HERPUD2: variants seen among roughly 807,000 people sequenced by gnomAD.
HERPUD2 encodes homocysteine-responsive endoplasmic reticulum-resident ubiquitin-like domain member 2 protein.
A neutral mutation model predicts 49.9 loss-of-function variants in HERPUD2; 13 were observed. The observed-to-expected ratio is 0.26, with a 90% confidence interval of 0.17 to 0.41. The LOEUF (loss-of-function observed/expected upper bound fraction) is 0.41, where lower values mean the gene tolerates loss of function less well. HERPUD2 is among the 10% of genes least tolerant of loss of function. The pLI, the probability that HERPUD2 is intolerant of heterozygous loss-of-function variation, is 1.00. For synonymous variants in HERPUD2, 172 were observed against 171.4 expected (o/e 1.00, Z -0.03); for missense variants, 449 against 492.2 (o/e 0.91, Z 0.83).
chr7:35,685,997 A>G (rs1786034221), intron 2 of HERPUD2, among the ~76,000 whole-genome samples: 2 of 145,908 alleles, frequency 1.4e-5, no homozygotes, highest in South Asian at 4.3e-4. Context: ...AATAACTTAA[A>G]TATCAGGAAA....
intron 2 of HERPUD2, among the ~76,000 whole-genome samples, chr7:35,686,734 A>AAC (rs1299264399): frequency 9.7e-6 from 1 of 103,024 alleles, no homozygotes; most frequent in Non-Finnish European, 1.8e-5. Context: ...AAAAAAAAAA[A>AAC]AAAAAAAAAA....
In HERPUD2 at chr7:35,664,931, C is replaced by T. The variant is rs572989324; in HGVS notation, c.494+2503G>A. 6.2e-4 allele frequency among the ~76,000 whole-genome samples: 95 copies of T among 152,236 alleles called. No homozygotes were observed. The South Asian group carries it at 0.018, about 29-fold the overall frequency. On this transcript the variant is annotated intron_variant, in intron 5 of 8. Transcript: ENST00000311350. ...AGTCATTCTCCATACAGCTTTGTTC[C>T]GCTGCTGGCAAGGAGCTCATGTTGC... is the stretch of plus-strand genomic sequence containing the variant.
chr7:35,649,382 T>C (rs764614776), intron 5 of HERPUD2, among the ~76,000 whole-genome samples: 2 of 152,136 alleles, frequency 1.3e-5, no homozygotes, highest in African/African-American at 2.4e-5. Context: ...CAGAAGTGTT[T>C]AGAAGGATAG....
At chr7:35,656,434 AAT>A (rs1228659782) in intron 5 of HERPUD2, among the ~76,000 whole-genome samples, 1 of 152,138 alleles carries the variant, frequency 6.6e-6, no homozygotes, top group Non-Finnish European at 1.5e-5. Flanking sequence ...TGAAAATACC[AAT>A]GTCATTTTTT....
intron 2 of HERPUD2, among the ~76,000 whole-genome samples, chr7:35,688,833 T>C (rs1322524575): frequency 1.3e-5 from 2 of 152,088 alleles, no homozygotes; most frequent in Non-Finnish European, 2.9e-5. Flanking sequence ...CCAACCTGGG[T>C]TCAAATTCTA....
intron 2 of HERPUD2, among the ~76,000 whole-genome samples, chr7:35,684,454 T>C (rs1011629149): frequency 1.3e-4 from 20 of 150,532 alleles, no homozygotes; most frequent in African/African-American, 4.9e-4. Flanking sequence ...AATCTGCAAC[T>C]GCAAAAACGT....
At chr7:35,678,927 T>C (rs1048337099) in intron 2 of HERPUD2, among the ~76,000 whole-genome samples, 1 of 152,214 alleles carries the variant, frequency 6.6e-6, no homozygotes, top group African/African-American at 2.4e-5. Flanking sequence ...AACTCAGTAT[T>C]TGGGACTACT....
intron 8 of HERPUD2, 63 bp from the exon 9 acceptor site, chr7:35,633,914 A>G: frequency 6.7e-7 from 1 of 1,482,032 alleles, no homozygotes; most frequent in Non-Finnish European, 9.2e-7. Flanking sequence ...TCATAATAGA[A>G]TACAGTTAAA....
intron 5 of HERPUD2, among the ~76,000 whole-genome samples, chr7:35,662,792 T>C (rs1305131530): frequency 2.6e-5 from 4 of 152,228 alleles, no homozygotes; most frequent in Non-Finnish European, 5.9e-5. Context: ...TAGTGGTCTA[T>C]CAATTTTGTT....
chr7:35,690,344 A>C (rs1487470064), intron 2 of HERPUD2, among the ~76,000 whole-genome samples: 1 of 152,236 alleles, frequency 6.6e-6, no homozygotes, highest in Non-Finnish European at 1.5e-5. Flanking sequence ...CGAGGTTTTT[A>C]ATTATGACTT....
intron 2 of HERPUD2, among the ~76,000 whole-genome samples, chr7:35,693,057 C>G (rs535707637): frequency 6.6e-6 from 1 of 152,338 alleles, no homozygotes; most frequent in African/African-American, 2.4e-5. Context: ...GAAAGCCTCA[C>G]TTTCATATAC....
At chr7:35,646,549 G>C (rs1785057122) in intron 5 of HERPUD2, among the ~76,000 whole-genome samples, 1 of 152,134 alleles carries the variant, frequency 6.6e-6, no homozygotes, top group Non-Finnish European at 1.5e-5. Context: ...TCGACAGAGT[G>C]AGACTCCATC....
chr7:35,664,581 G>A (rs1785498586), intron 5 of HERPUD2, among the ~76,000 whole-genome samples: 1 of 152,122 alleles, frequency 6.6e-6, no homozygotes, highest in African/African-American at 2.4e-5. Flanking sequence ...TGGAGGCTTT[G>A]TTCATTTCTT....
rs1208609927 is a variant in HERPUD2 at position 35,674,402 on chromosome 7, TATAGAGAGAGAGAGAGAGAGAGAGAG to T, written c.148-1150_148-1125del. On this transcript the variant is annotated intron_variant, in intron 2 of 8. Coordinates refer to ENST00000311350, the MANE Select transcript of HERPUD2 (RefSeq NM_022373.5). Reference sequence around the variant, plus strand: ...ACCTATATATATATATATATATATATATAGAGAGAGAGAGAGAGAGAGAGAGAGAGAGAGAGAGAGAGAGAGAGAGA... The same window carrying T: ...ACCTATATATATATATATATATATATAGAGAGAGAGAGAGAGAGAGAGAGA... 1.9e-3 allele frequency among the ~76,000 whole-genome samples: 105 copies of T among 54,454 alleles called. 1 individual carries two copies. The highest frequency in any genetic ancestry group is 2.9e-3 in the Non-Finnish European group (87 of 29,682). The allele number at this position is 54,454 out of a possible 152,430, so 35.7% of individuals were successfully genotyped here. A position where few individuals can be genotyped will look rare whatever the true frequency, so the allele number is the denominator to read the frequency against.
chr7:35,639,116 C>A (rs1336090185), intron 5 of HERPUD2, among the ~76,000 whole-genome samples: 2 of 151,694 alleles, frequency 1.3e-5, no homozygotes, highest in Admixed American at 1.3e-4. Flanking sequence ...GAAACCTCTG[C>A]CTCCTGGATT....
chr7:35,662,798 T>C (rs889039343), intron 5 of HERPUD2, among the ~76,000 whole-genome samples: 3 of 152,238 alleles, frequency 2.0e-5, no homozygotes, highest in Non-Finnish European at 4.4e-5. Context: ...TCTATCAATT[T>C]TGTTGATCTT....
chr7:35,684,441 C>A (rs1487250520), intron 2 of HERPUD2, among the ~76,000 whole-genome samples: 3 of 151,648 alleles, frequency 2.0e-5, no homozygotes, highest in Admixed American at 1.3e-4. Flanking sequence ...TTTATAGCAG[C>A]ACAATCTGCA....
intron 2 of HERPUD2, among the ~76,000 whole-genome samples, chr7:35,681,668 T>C (rs1249487224): frequency 6.6e-6 from 1 of 152,058 alleles, no homozygotes; most frequent in African/African-American, 2.4e-5. Flanking sequence ...AGGAATGAAA[T>C]ACTGACACAT....
At chr7:35,669,453 A>G (rs1785601898) in intron 4 of HERPUD2, among the ~76,000 whole-genome samples, 1 of 152,206 alleles carries the variant, frequency 6.6e-6, no homozygotes, top group Non-Finnish European at 1.5e-5. Context: ...TAGCAGTAGA[A>G]AAGTTCCCTG....
Sources: gnomAD v4.1 joint callset for allele counts (sites outside exome capture counted in the v4.1 genomes callset) on GRCh38, gnomAD v4.1.1 for gene constraint, MANE v1.5 for transcripts, NCBI Gene and HGNC (gene_info 2026-07-23, HGNC 2026-07-21) for gene names.